The following HERC6 variants were observed in gnomAD, a reference collection of about 807,000 sequenced individuals.
HERC6 encodes the protein HECT and RLD domain containing E3 ubiquitin protein ligase family member 6, also known as probable E3 ubiquitin-protein ligase HERC6.
A neutral mutation model predicts 114.5 loss-of-function variants in HERC6; 101 were observed. The observed-to-expected ratio is 0.88, with a 90% CI of 0.75 to 1.04. The LOEUF (loss-of-function observed/expected upper bound fraction) is 1.04, where lower values mean the gene tolerates loss of function less well. Among genes scored for constraint, HERC6 ranks in the 50% least tolerant of loss-of-function variants. HERC6 has a pLI of 0.00. For missense variants in HERC6, 1,133 were observed against 1,230.9 expected, an observed-to-expected ratio of 0.92 and a Z score of 1.19; for synonymous variants, 408 against 436.2, an observed-to-expected ratio of 0.94 and a Z score of 0.81.
rs1303468617 is a variant in HERC6, at chr4:88,442,887, C to T, written c.*427C>T. The T allele has an allele frequency of 5.7e-5, 11 of 194,394 alleles. No homozygotes were observed. Among genetic ancestry groups the T allele is most frequent in the Non-Finnish European group, 8.6e-5 (8 of 92,750 alleles). The allele number at this position is 194,394 out of a possible 1,614,324, so 12.0% of individuals were successfully genotyped here. On this transcript the variant is annotated 3_prime_UTR_variant, in exon 23 of 23. Coordinates refer to ENST00000264346, the MANE Select transcript of HERC6 (RefSeq NM_017912.4). ...GTCTTGGATTGGCTGTGAGCCAATT[C>T]ACCTCAGTCTCTAATTGGCTGTGAG...
At chr4:88,383,592 C>G (rs1238205515) in intron 2 of HERC6, among the ~76,000 whole-genome samples, 1 of 151,510 alleles carries the variant, frequency 6.6e-6, no homozygotes, top group East Asian at 1.9e-4. Flanking sequence ...AAGCCCCTCT[C>G]TACAAAAAAG....
chr4:88,389,674 G>A (rs1008835518), intron 3 of HERC6, among the ~76,000 whole-genome samples: 26 of 151,562 alleles, frequency 1.7e-4, no homozygotes, highest in East Asian at 3.9e-4. Flanking sequence ...GACCTGGACC[G>A]CCCCGCTTGC....
intron 14 of HERC6, 75 bp from the exon 15 acceptor site, chr4:88,424,520 G>C (rs1737397667): frequency 9.2e-7 from 1 of 1,081,824 alleles, no homozygotes; most frequent in African/African-American, 1.6e-5. Flanking sequence ...CAAAAAAAAG[G>C]CGATAAGGTA....
chr4:88,390,552 C>A, intron 3 of HERC6, 100 bp from the exon 4 acceptor site: 1 of 1,073,948 alleles, frequency 9.3e-7, no homozygotes, highest in Non-Finnish European at 1.3e-6. Context: ...TCAATTATCC[C>A]TCATTAAAGC....
chr4:88,389,709 AT>A (rs999619390), intron 3 of HERC6, among the ~76,000 whole-genome samples: 1 of 77,276 alleles, frequency 1.3e-5, no homozygotes, highest in African/African-American at 5.5e-5. Flanking sequence ...CTTTAATCTC[AT>A]TTTTTTCTTC....
chr4:88,439,249 T>C (rs1739077435), intron 20 of HERC6, among the ~76,000 whole-genome samples: 1 of 152,000 alleles, frequency 6.6e-6, no homozygotes, highest in African/African-American at 2.4e-5. Flanking sequence ...TGGTGCATAC[T>C]TGCAGTCTCA....
chr4:88,405,586 G>C lies in HERC6; in HGVS notation c.1247G>C (p.Cys416Ser), dbSNP rs1226184616. 2 of 1,538,926 alleles carry C rather than the reference G, an allele frequency of 1.3e-6. No homozygotes were observed. Among genetic ancestry groups the C allele is most frequent in the African/African-American group, 1.4e-5 (1 of 72,916 alleles). ...EIRMIFSSPA[C>S]LTASFLKKRG... ...AGAATGATATTTTCATCTCCTGCTTGTCTGACTGCAAGTTTTTTAAAGAAA... is the reference window on the plus strand; with the variant it reads ...AGAATGATATTTTCATCTCCTGCTTCTCTGACTGCAAGTTTTTTAAAGAAA... Residue 416 changes from cysteine to serine, a missense_variant, in exon 10 of 23, where the codon TGT (cysteine) becomes TCT (serine). Coordinates refer to ENST00000264346, the MANE Select transcript of HERC6 (RefSeq NM_017912.4).
intron 5 of HERC6, 50 bp from the exon 6 acceptor site, chr4:88,395,965 A>G (rs1377615081): frequency 6.6e-7 from 1 of 1,523,940 alleles, no homozygotes; most frequent in Non-Finnish European, 8.8e-7. Context: ...GTAAGCTTTT[A>G]GTTACCTTGT....
chr4:88,413,044 T>C, intron 11 of HERC6, 33 bp from the exon 12 acceptor site: 4 of 1,511,690 alleles, frequency 2.6e-6, no homozygotes, highest in Non-Finnish European at 3.6e-6. Flanking sequence ...TAATATATCC[T>C]GGGTCTGTTC....
chr4:88,394,332 G>A (rs1360579870), intron 5 of HERC6, among the ~76,000 whole-genome samples: 1 of 151,366 alleles, frequency 6.6e-6, no homozygotes, highest in Admixed American at 6.6e-5. Context: ...AATTAGCTGG[G>A]CATGGTTACG....
chr4:88,429,153 G>A (rs1397711363), intron 16 of HERC6, among the ~76,000 whole-genome samples: 2 of 152,168 alleles, frequency 1.3e-5, no homozygotes, highest in Non-Finnish European at 2.9e-5. Context: ...AGGCCTGGCT[G>A]GAGCAATTTA....
Position 88,390,194 on chromosome 4 carries a change from A to G in HERC6, c.437-458A>G, listed in dbSNP as rs561477949. Reference sequence around the variant, plus strand: ...CTCTGTATCAAAAAAAAAAAAAAAAAAAAAAAAGAAAGTCAAACTCAATAA... The same window carrying G: ...CTCTGTATCAAAAAAAAAAAAAAAAGAAAAAAAGAAAGTCAAACTCAATAA... On this transcript the variant is annotated intron_variant, in intron 3 of 22. Transcript: ENST00000264346. Among the ~76,000 whole-genome samples, 123 of 151,380 alleles carry G rather than the reference A, an allele frequency of 8.1e-4. 1 individual carries two copies. The highest frequency in any genetic ancestry group is 2.4e-3 in the African/African-American group (100 of 41,278).
chr4:88,428,445 A>G, intron 15 of HERC6, 135 bp from the exon 16 acceptor site: 1 of 618,136 alleles, frequency 1.6e-6, no homozygotes, highest in Non-Finnish European at 2.6e-6. Flanking sequence ...TTCTTAAATA[A>G]TTACAATGTG....
chr4:88,398,492 T>C (rs1735366587), intron 8 of HERC6: 1 of 240,470 alleles, frequency 4.2e-6, no homozygotes, highest in South Asian at 1.1e-4. Flanking sequence ...CATACACATG[T>C]AACTTGTGTC....
At chr4:88,386,787 A>C (rs1050917774) in intron 3 of HERC6, among the ~76,000 whole-genome samples, 1 of 152,204 alleles carries the variant, frequency 6.6e-6, no homozygotes, top group Non-Finnish European at 1.5e-5. Flanking sequence ...AGTAGAGTGG[A>C]GATAACTCCA....
chr4:88,423,975 TA>T lies in HERC6; in HGVS notation c.1827+4del. 1.5e-6 allele frequency: 2 copies of T among 1,339,280 alleles called. No individual in the cohort carries two copies. The highest frequency in any genetic ancestry group is 1.5e-5 in the African/African-American group (1 of 66,982). The allele number at this position is 1,339,280 out of a possible 1,614,324, so 83.0% of individuals were successfully genotyped here. A position where few individuals can be genotyped will look rare whatever the true frequency, so the allele number is the denominator to read the frequency against. ...CAGCTCTTTCGGGATAACCACCTGGTAAGAATAACATTTTTACTTCTGAAAA... is the reference window on the plus strand; with the variant it reads ...CAGCTCTTTCGGGATAACCACCTGGTAGAATAACATTTTTACTTCTGAAAA... On this transcript the variant is annotated splice_donor_region_variant and intron_variant, in intron 14 of 22. Coordinates refer to ENST00000264346, the MANE Select transcript of HERC6 (RefSeq NM_017912.4).
At chr4:88,380,809 C>T (rs1456149958) in intron 1 of HERC6, among the ~76,000 whole-genome samples, 2 of 151,536 alleles carry the variant, frequency 1.3e-5, no homozygotes, top group East Asian at 1.9e-4. Flanking sequence ...AAGCAATCAC[C>T]GTAGCTCCAA....
intron 11 of HERC6, among the ~76,000 whole-genome samples, chr4:88,410,622 T>G (rs927754555): frequency 2.0e-5 from 3 of 152,104 alleles, no homozygotes; most frequent in African/African-American, 7.2e-5. Flanking sequence ...ACTATCATAT[T>G]GGGGGTTAGG....
At chr4:88,430,555 GT>G (rs1188813304) in intron 16 of HERC6, among the ~76,000 whole-genome samples, 2 of 150,286 alleles carry the variant, frequency 1.3e-5, no homozygotes, top group Non-Finnish European at 1.5e-5. Flanking sequence ...GGGCAGCAGA[GT>G]GAGACTCCAT....
Sources: allele counts gnomAD v4.1 joint callset (sites outside exome capture counted in the v4.1 genomes callset), GRCh38; gene constraint gnomAD v4.1.1; transcripts MANE v1.5; gene names NCBI Gene and HGNC (gene_info 2026-07-23, HGNC 2026-07-21).